Variants in ARHGEF3 observed in about 807,000 individuals in gnomAD.
ARHGEF3 encodes the protein 59.8 kDA protein.
A neutral mutation model predicts 63.2 loss-of-function variants in ARHGEF3; 28 were observed. That is an observed-to-expected ratio of 0.44 (90% confidence interval 0.33 to 0.61). ARHGEF3 has a LOEUF of 0.61. Among genes scored for constraint, ARHGEF3 ranks in the 20% least tolerant of loss-of-function variants. ARHGEF3 has a pLI of 0.03. For missense variants in ARHGEF3, 533 were observed against 659.3 expected (o/e 0.81, Z 2.10); for synonymous variants, 266 against 254.2 (o/e 1.05, Z -0.44).
chr3:57,056,947 AC>A (rs925151441), intron 1 of ARHGEF3, among the ~76,000 whole-genome samples: 50 of 151,194 alleles, frequency 3.3e-4, no homozygotes, highest in African/African-American at 1.1e-3. Flanking sequence ...ACACACACAC[AC>A]CCCACACACC....
At chr3:57,058,572 G>A (rs947695624) in intron 1 of ARHGEF3, among the ~76,000 whole-genome samples, 3 of 152,172 alleles carry the variant, frequency 2.0e-5, no homozygotes, top group African/African-American at 7.2e-5. Context: ...AACCATTGTG[G>A]AAGTCGGTGT....
intron 4 of ARHGEF3, among the ~76,000 whole-genome samples, chr3:56,816,144 G>A (rs931658180): frequency 3.3e-5 from 5 of 152,164 alleles, no homozygotes; most frequent in Non-Finnish European, 7.3e-5. Flanking sequence ...GAGCCCAGGA[G>A]TTGGAGGTTA....
intron 2 of ARHGEF3, among the ~76,000 whole-genome samples, chr3:57,022,298 C>A (rs965046875): frequency 1.3e-5 from 2 of 151,696 alleles, no homozygotes; most frequent in Non-Finnish European, 2.9e-5. Flanking sequence ...CCAGGAGGTC[C>A]CTGTCTTTGC....
chr3:57,000,310 C>CACACACACACACACACACACACACACA (rs1560120499), intron 2 of ARHGEF3, among the ~76,000 whole-genome samples: 1 of 139,164 alleles, frequency 7.2e-6, no homozygotes, highest in African/African-American at 2.8e-5. Context: ...AGGGTAACTC[C>CACACACACACACACACACACACACACA]CACACACACA....
chr3:56,900,608 C>T (rs1399116812), intron 3 of ARHGEF3, among the ~76,000 whole-genome samples: 1 of 152,154 alleles, frequency 6.6e-6, no homozygotes, highest in East Asian at 1.9e-4. Context: ...CCAGCCTGGG[C>T]CACAGAGCAA....
At chr3:57,038,122 G>C (rs1290319793) in intron 1 of ARHGEF3, among the ~76,000 whole-genome samples, 5 of 152,226 alleles carry the variant, frequency 3.3e-5, no homozygotes, top group African/African-American at 1.2e-4. Flanking sequence ...AGGCCACACA[G>C]GTAGCAAATA....
chr3:56,746,477 A>G (rs184917376), intron 6 of ARHGEF3, among the ~76,000 whole-genome samples: 1 of 152,340 alleles, frequency 6.6e-6, no homozygotes, highest in African/African-American at 2.4e-5. Context: ...CGTGCCTGTA[A>G]TCCCAGCACA....
chr3:57,073,546 G>C (rs1270428699), intron 1 of ARHGEF3: 9 of 1,336,448 alleles, frequency 6.7e-6, no homozygotes, highest in Non-Finnish European at 8.9e-6. Context: ...AGCACCCCGG[G>C]ATGATTGGTG....
intron 4 of ARHGEF3, among the ~76,000 whole-genome samples, chr3:56,859,658 G>A (rs1578696436): frequency 6.7e-6 from 1 of 149,812 alleles, no homozygotes; most frequent in East Asian, 2.0e-4. Context: ...TCAGCCTCCC[G>A]AGTAGCTGGG....
At chr3:57,031,958 T>C (rs149121510) in intron 2 of ARHGEF3, among the ~76,000 whole-genome samples, 1 of 152,302 alleles carries the variant, frequency 6.6e-6, no homozygotes, top group East Asian at 1.9e-4. Flanking sequence ...CTCTAAATTT[T>C]TATGTCTCTG....
chr3:56,732,194 C>G (rs552495724), intron 9 of ARHGEF3, 44 bp downstream of exon 9: 1 of 1,607,848 alleles, frequency 6.2e-7, no homozygotes, highest in African/African-American at 1.3e-5. Flanking sequence ...CAAACTACCA[C>G]GGCCAAAAAC....
chr3:56,812,138 C>T (rs968055732), intron 4 of ARHGEF3, among the ~76,000 whole-genome samples: 10 of 152,158 alleles, frequency 6.6e-5, no homozygotes, highest in African/African-American at 1.7e-4. Context: ...TCAAAGAACA[C>T]GTCACGGAGG....
At chr3:57,039,374 C>T (rs2107246988) in intron 1 of ARHGEF3, among the ~76,000 whole-genome samples, 1 of 152,258 alleles carries the variant, frequency 6.6e-6, no homozygotes, top group East Asian at 1.9e-4. Context: ...TAAATTGGTC[C>T]CACCATCTTG....
At chr3:56,959,700 A>G (rs763159603) in intron 2 of ARHGEF3, among the ~76,000 whole-genome samples, 4 of 152,216 alleles carry the variant, frequency 2.6e-5, no homozygotes, top group Non-Finnish European at 5.9e-5. Context: ...AAGGCTGGCC[A>G]GGTGCGGTGG....
At chr3:56,928,226 C>T (rs1560057933) in intron 3 of ARHGEF3, among the ~76,000 whole-genome samples, 1 of 152,232 alleles carries the variant, frequency 6.6e-6, no homozygotes, top group Non-Finnish European at 1.5e-5. Context: ...TGAGCATCTA[C>T]TATATACCAG....
At chr3:56,839,682 C>A (rs751731951) in intron 4 of ARHGEF3, among the ~76,000 whole-genome samples, 9 of 152,140 alleles carry the variant, frequency 5.9e-5, no homozygotes, top group African/African-American at 2.2e-4. Flanking sequence ...CTACACTCTG[C>A]GCCCTATCCC....
chr3:57,023,588 C>T (rs1311103713), intron 2 of ARHGEF3, among the ~76,000 whole-genome samples: 1 of 152,086 alleles, frequency 6.6e-6, no homozygotes, highest in Non-Finnish European at 1.5e-5. Context: ...CCAAGAGGAC[C>T]CAGTGTTCCC....
At chr3:56,906,293 G>A (rs2041680733) in intron 3 of ARHGEF3, among the ~76,000 whole-genome samples, 1 of 152,200 alleles carries the variant, frequency 6.6e-6, no homozygotes, top group South Asian at 2.1e-4. Context: ...TGAGGCTAGT[G>A]GCCTCCATAT....
At chr3:57,057,400 C>T (rs977841582) in intron 1 of ARHGEF3, among the ~76,000 whole-genome samples, 8 of 152,190 alleles carry the variant, frequency 5.3e-5, no homozygotes, top group African/African-American at 1.2e-4. Flanking sequence ...TGAGCCACCG[C>T]GCCCGTCCAG....
Sources: gnomAD v4.1 joint callset for allele counts (sites outside exome capture counted in the v4.1 genomes callset) on GRCh38, gnomAD v4.1.1 for gene constraint, MANE v1.5 for transcripts, NCBI Gene and HGNC (gene_info 2026-07-23, HGNC 2026-07-21) for gene names.